The following FNIP2 variants were observed in gnomAD, a reference collection of about 807,000 sequenced individuals.
The protein encoded by FNIP2 is folliculin-interacting protein 2.
FNIP2 carries 32 observed loss-of-function variants against 108.7 expected under a neutral mutation model. The observed-to-expected ratio is 0.29, with a 90% CI of 0.22 to 0.40. The LOEUF (loss-of-function observed/expected upper bound fraction) is 0.40, where lower values mean the gene tolerates loss of function less well. Ranked by LOEUF, FNIP2 falls within the 10% of genes least tolerant of loss-of-function variation. The pLI is 1.00. For synonymous variants in FNIP2, 480 were observed against 496.7 expected (o/e 0.97, Z 0.45); for missense variants, 1,202 against 1,381.6 (o/e 0.87, Z 2.06).
chr4:158,802,687 TC>T (rs1776801871), intron 1 of FNIP2, among the ~76,000 whole-genome samples: 1 of 152,228 alleles, frequency 6.6e-6, no homozygotes, highest in African/African-American at 2.4e-5. Flanking sequence ...ATGGGCTTTT[TC>T]TCAGGTGTCA....
chr4:158,878,293 G>A (rs536194287), intron 14 of FNIP2, among the ~76,000 whole-genome samples: 63 of 152,166 alleles, frequency 4.1e-4, no homozygotes, highest in Middle Eastern at 3.4e-3. Flanking sequence ...CTTGAGACCT[G>A]GAATCAAGCC....
intron 1 of FNIP2, among the ~76,000 whole-genome samples, chr4:158,824,753 G>A (rs370251174): frequency 2.6e-5 from 4 of 152,026 alleles, no homozygotes; most frequent in Non-Finnish European, 2.9e-5. Context: ...CCTGCCTGCC[G>A]TCCTTTCCAC....
At chr4:158,872,499 T>A (rs982895140) in intron 14 of FNIP2, 3 of 985,356 alleles carry the variant, frequency 3.0e-6, no homozygotes, top group African/African-American at 3.5e-5. Flanking sequence ...TCGAAAGTTA[T>A]TAAGCATAAT....
chr4:158,879,953 G>A lies in FNIP2; in HGVS notation c.2949+9484G>A, dbSNP rs1338548738. ...AAAAGTCAGGAAACAACAGGTGCTG[G>A]AGAGGATGTGGAGAAATAGGAACAC... On this transcript the variant is annotated intron_variant, in intron 14 of 16. Transcript: ENST00000264433. Among the ~76,000 whole-genome samples, 15 of 150,394 alleles carry A rather than the reference G, an allele frequency of 1.0e-4. 1 individual carries two copies. The South Asian group carries it at 2.8e-3, about 28-fold the overall frequency.
rs1325778395 is a variant in FNIP2 at position 158,771,453 on chromosome 4, G to C, written c.107+2134G>C. 2.0e-5 allele frequency among the ~76,000 whole-genome samples: 3 copies of C among 152,310 alleles called. No individual in the cohort carries two copies. In the South Asian group the frequency reaches 6.2e-4, roughly 32 times the overall value. On this transcript the variant is annotated intron_variant, in intron 1 of 16. Transcript: ENST00000264433. ...TCTCTACCTAAAAAATTGTGAACCT[G>C]TGTTTCATTTTACCCAGATTTTGCC...
intron 1 of FNIP2, among the ~76,000 whole-genome samples, chr4:158,803,724 C>A (rs554361916): frequency 6.6e-6 from 1 of 152,102 alleles, no homozygotes; most frequent in Admixed American, 6.5e-5. Context: ...TTAAAAAAAT[C>A]TAAAAATCCT....
chr4:158,835,333 T>C (rs1778739633), intron 6 of FNIP2, 72 bp from the exon 7 acceptor site: 1 of 1,328,952 alleles, frequency 7.5e-7, no homozygotes. Flanking sequence ...AATTTAAAAA[T>C]TACTGCAGTC....
At chr4:158,872,201 T>C (rs1211613827) in intron 14 of FNIP2, 8 of 985,428 alleles carry the variant, frequency 8.1e-6, no homozygotes, top group South Asian at 4.7e-5. Flanking sequence ...ATTTACTCAC[T>C]GACCACTCTG....
chr4:158,869,339 C>T lies in FNIP2; in HGVS notation c.2703C>T (p.Asp901=), dbSNP rs758749606. ...CAGATAGCGCCCTGGGAGACAGTGACGACGAAGCCTGCGCTTCAGCCATGC... is the reference window on the plus strand; with the variant it reads ...CAGATAGCGCCCTGGGAGACAGTGATGACGAAGCCTGCGCTTCAGCCATGC... ...ESSDSALGDS[D]DEACASAMLD... The change falls in exon 13 of 17, where the codon GAC becomes GAT. Residue 901 remains aspartate (D), a synonymous_variant. Transcript: ENST00000264433. 47 of 1,613,222 alleles carry T rather than the reference C, an allele frequency of 2.9e-5. No homozygotes were observed. In the East Asian group the frequency reaches 6.5e-4, roughly 22 times the overall value.
chr4:158,808,120 G>A (rs1036465798), intron 1 of FNIP2, among the ~76,000 whole-genome samples: 21 of 152,102 alleles, frequency 1.4e-4, no homozygotes, highest in Admixed American at 3.3e-4. Flanking sequence ...TAATTGGCTC[G>A]GATTATTTTA....
intron 1 of FNIP2, among the ~76,000 whole-genome samples, chr4:158,820,207 A>G (rs1777804587): frequency 6.6e-6 from 1 of 152,148 alleles, no homozygotes; most frequent in South Asian, 2.1e-4. Flanking sequence ...TAAACTCTTT[A>G]TGTAAACTTA....
intron 1 of FNIP2, among the ~76,000 whole-genome samples, chr4:158,787,379 G>A (rs72695431): frequency 0.023 from 3,474 of 152,238 alleles, 44 homozygotes; most frequent in Non-Finnish European, 0.035. Flanking sequence ...GCTGCTCTGC[G>A]CCAACGACTG....
intron 6 of FNIP2, 134 bp downstream of exon 6, chr4:158,833,762 G>T: frequency 1.4e-6 from 2 of 1,440,696 alleles, no homozygotes; most frequent in South Asian, 1.2e-5. Context: ...TTTTGTATGT[G>T]TACTTTGTTT....
At chr4:158,785,708 T>G (rs1037901093) in intron 1 of FNIP2, among the ~76,000 whole-genome samples, 6 of 129,762 alleles carry the variant, frequency 4.6e-5, no homozygotes, top group Non-Finnish European at 8.6e-5. Context: ...TTTTCTTTCT[T>G]TCTTTTTTTT....
chr4:158,797,455 C>A (rs1453282767), intron 1 of FNIP2, among the ~76,000 whole-genome samples: 2 of 152,156 alleles, frequency 1.3e-5, no homozygotes, highest in Non-Finnish European at 2.9e-5. Flanking sequence ...ATCTTAGCGC[C>A]TTGGGAGGCT....
intron 14 of FNIP2, chr4:158,890,025 A>G (rs2126767500): frequency 1.0e-6 from 1 of 985,400 alleles, no homozygotes; most frequent in East Asian, 1.1e-4. Context: ...GAAAATGGTG[A>G]TGGGGTCATT....
chr4:158,887,755 A>AAC (rs1311451506), intron 14 of FNIP2, among the ~76,000 whole-genome samples: 1 of 151,650 alleles, frequency 6.6e-6, no homozygotes, highest in Non-Finnish European at 1.5e-5. Context: ...AAAAAAAAAA[A>AAC]AACCCAAGAG....
chr4:158,820,547 C>T (rs1220563435), intron 1 of FNIP2, among the ~76,000 whole-genome samples: 1 of 152,206 alleles, frequency 6.6e-6, no homozygotes, highest in African/African-American at 2.4e-5. Flanking sequence ...TCGTGTCATT[C>T]TCTTTCTTGA....
intron 1 of FNIP2, among the ~76,000 whole-genome samples, chr4:158,800,319 TTTG>T (rs993456702): frequency 6.6e-6 from 1 of 152,244 alleles, no homozygotes; most frequent in African/African-American, 2.4e-5. Context: ...ATTGTGGAGC[TTTG>T]TTTAGATACT....
Sources: gnomAD v4.1 joint callset for allele counts (sites outside exome capture counted in the v4.1 genomes callset) on GRCh38, gnomAD v4.1.1 for gene constraint, MANE v1.5 for transcripts, NCBI Gene and HGNC (gene_info 2026-07-23, HGNC 2026-07-21) for gene names.